The following ASMTL variants were observed in gnomAD, a reference collection of about 807,000 sequenced individuals.
The protein encoded by ASMTL is probable bifunctional dTTP/UTP pyrophosphatase/methyltransferase protein.
ASMTL carries 57 observed loss-of-function variants against 60.3 expected under a neutral mutation model. The observed-to-expected ratio is 0.95, with a 90% CI of 0.76 to 1.18. The LOEUF (loss-of-function observed/expected upper bound fraction) is 1.18. Ranked by LOEUF, ASMTL falls within the 50% of genes most tolerant of loss-of-function variation. The pLI is 0.00. For missense variants in ASMTL, 981 were observed against 852.6 expected, an observed-to-expected ratio of 1.15 and a Z score of -1.88; for synonymous variants, 419 against 373.0, an observed-to-expected ratio of 1.12 and a Z score of -1.42.
chrX:1,437,694 G>A lies in ASMTL; in HGVS notation c.273+1403C>T, dbSNP rs751735095. Reference sequence around the variant, plus strand: ...GGGTGGATCACAAGGTCAGGAGATCGAGACCATCCTGGCCAACATGGTGAA... The same window carrying A: ...GGGTGGATCACAAGGTCAGGAGATCAAGACCATCCTGGCCAACATGGTGAA... On this transcript the variant is annotated intron_variant, in intron 3 of 12. Transcript: ENST00000381317. Among the ~76,000 whole-genome samples the A allele has an allele frequency of 2.0e-3, 304 of 151,472 alleles. 1 individual carries two copies. The highest frequency in any genetic ancestry group is 6.1e-3 in the South Asian group (29 of 4,780).
intron 5 of ASMTL, among the ~76,000 whole-genome samples, chrX:1,433,084 C>T (rs758142556): frequency 2.5e-4 from 38 of 152,056 alleles, no homozygotes; most frequent in Non-Finnish European, 5.1e-4. Flanking sequence ...GGCGACAGAG[C>T]GAGACTCTGT....
chrX:1,425,435 T>G, intron 8 of ASMTL, 90 bp downstream of exon 8: 1 of 1,458,120 alleles, frequency 6.9e-7, no homozygotes, highest in Admixed American at 2.2e-5. Flanking sequence ...GTGGGCCTCC[T>G]TCCTCGCTCT....
intron 1 of ASMTL, among the ~76,000 whole-genome samples, chrX:1,445,162 G>A (rs182682218): frequency 6.4e-4 from 98 of 152,248 alleles, no homozygotes; most frequent in African/African-American, 1.4e-3. Context: ...CCCAGTCCTC[G>A]GAGGACCAGC....
At chrX:1,411,296 C>A (rs772196274) in intron 12 of ASMTL, among the ~76,000 whole-genome samples, 1 of 152,164 alleles carries the variant, frequency 6.6e-6, no homozygotes, top group Admixed American at 6.6e-5. Context: ...CCTGTTTCAA[C>A]GCGCAGGTGC....
intron 10 of ASMTL, 141 bp downstream of exon 10, chrX:1,418,841 T>G: frequency 9.4e-7 from 1 of 1,066,062 alleles, no homozygotes; most frequent in Non-Finnish European, 1.4e-6. Flanking sequence ...CCACCCATGA[T>G]CTGGGACTCA....
intron 11 of ASMTL, chrX:1,413,091 A>G (rs1175271778): frequency 1.8e-6 from 1 of 558,256 alleles, no homozygotes; most frequent in South Asian, 2.2e-5. Flanking sequence ...CGCTGGGGAC[A>G]GTGGCTCACA....
chrX:1,428,170 T>G, intron 6 of ASMTL, 49 bp from the exon 7 acceptor site: 1 of 1,556,086 alleles, frequency 6.4e-7, no homozygotes, highest in Non-Finnish European at 8.7e-7. Flanking sequence ...GAAAAGTTCC[T>G]GGGTCTGAAC....
intron 6 of ASMTL, among the ~76,000 whole-genome samples, chrX:1,430,118 G>C (rs762332007): frequency 4.3e-4 from 66 of 151,974 alleles, no homozygotes; most frequent in African/African-American, 1.5e-3. Context: ...GGGTTCAAGC[G>C]ATTCTCCTGT....
intron 1 of ASMTL, among the ~76,000 whole-genome samples, chrX:1,450,035 C>T (rs2091323518): frequency 6.6e-6 from 1 of 150,940 alleles, no homozygotes; most frequent in Non-Finnish European, 1.5e-5. Flanking sequence ...CAGTAACTAT[C>T]CCCCATCACC....
chrX:1,418,809 T>G (rs117306229), intron 10 of ASMTL, 173 bp downstream of exon 10: 6,817 of 325,686 alleles, frequency 0.021, 487 homozygotes, highest in African/African-American at 0.14. Flanking sequence ...ATCCCCGGGG[T>G]CCTCCTGGAA....
intron 11 of ASMTL, chrX:1,413,135 G>C: frequency 2.3e-6 from 1 of 443,982 alleles, no homozygotes; most frequent in Non-Finnish European, 4.1e-6. Context: ...GCCTGAGGTG[G>C]GCAGATTGTC....
intron 12 of ASMTL, among the ~76,000 whole-genome samples, chrX:1,410,371 A>G (rs1285081658): frequency 1.3e-5 from 2 of 151,096 alleles, no homozygotes; most frequent in African/African-American, 4.9e-5. Context: ...ACAACACTGC[A>G]CTCCAGCCTG....
intron 12 of ASMTL, among the ~76,000 whole-genome samples, chrX:1,407,216 A>T (rs182373968): frequency 1.9e-4 from 29 of 149,132 alleles, no homozygotes; most frequent in African/African-American, 6.8e-4. Flanking sequence ...CTGGGTGAAT[A>T]GATGGTAGAT....
At chrX:1,433,816 G>C (rs2090883490) in intron 5 of ASMTL, among the ~76,000 whole-genome samples, 1 of 152,128 alleles carries the variant, frequency 6.6e-6, no homozygotes, top group South Asian at 2.1e-4. Context: ...ACCCTGCGCT[G>C]TGCCTGGCTT....
chrX:1,412,808 C>A lies in ASMTL; in HGVS notation c.1569G>T (p.Leu523=), dbSNP rs11553056. 4.5e-5 allele frequency: 72 copies of A among 1,613,856 alleles called. No individual in the cohort carries two copies. The highest frequency in any genetic ancestry group is 6.0e-5 in the Non-Finnish European group (71 of 1,179,878). Residue 523 remains leucine, a synonymous_variant, in exon 12 of 13, where the codon CTG becomes CTT. Transcript: ENST00000381317. ...DPLPSAELYV[L]CRILHDWPDD... ...CTGGCCAGTCATGCAGGATCCGGCA[C>A]AGGACGTACAGCTCAGCGCTGGGGA...
Position 1,419,048 on chromosome X carries a change from G to C in ASMTL, c.1312C>G (p.Leu438Val), listed in dbSNP as rs748592891. 1 of 1,611,530 alleles carries C rather than the reference G, an allele frequency of 6.2e-7. No individual in the cohort carries two copies. The highest frequency in any genetic ancestry group is 1.1e-5 in the South Asian group (1 of 90,890). ...GCCGTGGCCACCTGGCACGCAGTCA[G>C]CTTCGTCATGCCGTGCATGGCCCGC... Reference protein sequence around the residue: ...FMRAMHGMTKLTACQVATAFN... With the variant: ...FMRAMHGMTKVTACQVATAFN... The change falls in exon 10 of 13, where the codon CTG (leucine) becomes GTG (valine). Residue 438 changes from leucine to valine, a missense_variant. Coordinates refer to ENST00000381317, the MANE Select transcript of ASMTL (RefSeq NM_004192.4).
chrX:1,423,795 C>A (rs1231994873), intron 8 of ASMTL, among the ~76,000 whole-genome samples: 1 of 149,978 alleles, frequency 6.7e-6, no homozygotes, highest in African/African-American at 2.5e-5. Context: ...TATTCACCCA[C>A]CCTCCCAATC....
chrX:1,411,747 T>C (rs111416317), intron 12 of ASMTL, among the ~76,000 whole-genome samples: 95,293 of 149,518 alleles, frequency 0.64, 30,829 homozygotes, highest in African/African-American at 0.74. Flanking sequence ...GAATGAAGAC[T>C]TTTATCATGA....
chrX:1,434,774 A>G lies in ASMTL; in HGVS notation c.400+248T>C, dbSNP rs1229441034. On this transcript the variant is annotated intron_variant, in intron 5 of 12. Coordinates refer to ENST00000381317, the MANE Select transcript of ASMTL (RefSeq NM_004192.4). The stretch of plus-strand genomic sequence containing the variant: ...CGTGCCACTGCCCTCCAGCCTGGGT[A>G]AGAGAGCGAGACTCCATCTCAAAAA... Among the ~76,000 whole-genome samples, 7 of 148,762 alleles carry G rather than the reference A, an allele frequency of 4.7e-5. No homozygotes were observed. The East Asian group carries it at 7.9e-4, about 17-fold the overall frequency.
Sources: gnomAD v4.1 joint callset for allele counts (sites outside exome capture counted in the v4.1 genomes callset) on GRCh38, gnomAD v4.1.1 for gene constraint, MANE v1.5 for transcripts, NCBI Gene and HGNC (gene_info 2026-07-23, HGNC 2026-07-21) for gene names.